KHDRBS2: variants seen among roughly 807,000 people sequenced by gnomAD.
KHDRBS2 encodes KH domain-containing, RNA-binding, signal transduction-associated protein 2.
KHDRBS2 carries 26 observed loss-of-function variants against 44.3 expected under a neutral mutation model. That is an observed-to-expected ratio of 0.59 (90% CI 0.43 to 0.81). KHDRBS2 has a LOEUF of 0.81. Ranked by LOEUF, KHDRBS2 falls within the 40% of genes least tolerant of loss-of-function variation. KHDRBS2 has a pLI of 0.00. For synonymous variants in KHDRBS2, 194 were observed against 151.1 expected (o/e 1.28, Z -2.08); for missense variants, 476 against 433.1 (o/e 1.10, Z -0.88).
intron 6 of KHDRBS2, among the ~76,000 whole-genome samples, chr6:61,767,124 T>A (rs932039634): frequency 6.6e-6 from 1 of 152,132 alleles, no homozygotes; most frequent in Non-Finnish European, 1.5e-5. Context: ...TCTTTATATA[T>A]CTGGGTGCTC....
chr6:61,768,169 C>A (rs1780281839), intron 6 of KHDRBS2, among the ~76,000 whole-genome samples: 1 of 152,120 alleles, frequency 6.6e-6, no homozygotes, highest in Non-Finnish European at 1.5e-5. Context: ...GCTACTTTCT[C>A]CTGGCCTGTA....
At chr6:61,856,537 G>A (rs1178677978) in intron 6 of KHDRBS2, among the ~76,000 whole-genome samples, 3 of 149,356 alleles carry the variant, frequency 2.0e-5, no homozygotes, top group Non-Finnish European at 4.5e-5. Flanking sequence ...AAAAATGCTT[G>A]GATTATGATT....
rs200216239 is a variant in KHDRBS2 at position 61,860,372 on chromosome 6, AC to A, written c.810+34262del. On this transcript the variant is annotated intron_variant, in intron 6 of 8. Transcript: ENST00000281156. ...TTTTCTTGATCCTATTCCTCCTCCC[AC>A]CCTCTGCCCCCCGATAGCCTCCAGT... 7.0e-3 allele frequency among the ~76,000 whole-genome samples: 1,060 copies of A among 151,350 alleles called. 20 individuals carry two copies. Among genetic ancestry groups the A allele is most frequent in the African/African-American group, 0.023 (952 of 41,324 alleles).
At chr6:61,599,316 A>T in the KHDRBS2 span, among the ~76,000 whole-genome samples, 1 of 152,120 alleles carries the variant, frequency 6.6e-6, no homozygotes, top group East Asian at 1.9e-4. Context: ...TCTAAATAGT[A>T]TTCTTTCATA....
intron 6 of KHDRBS2, among the ~76,000 whole-genome samples, chr6:61,797,117 A>C (rs906386317): frequency 1.2e-4 from 19 of 152,126 alleles, no homozygotes; most frequent in Non-Finnish European, 2.6e-4. Flanking sequence ...AAAAATACTA[A>C]ATACCCCTGA....
the KHDRBS2 span, among the ~76,000 whole-genome samples, chr6:61,577,577 G>C: frequency 6.6e-6 from 1 of 151,812 alleles, no homozygotes; most frequent in Admixed American, 6.6e-5. Context: ...GAATATTTTT[G>C]GTAAATCATA....
chr6:61,860,199 T>C (rs1215654901), intron 6 of KHDRBS2, among the ~76,000 whole-genome samples: 1 of 151,880 alleles, frequency 6.6e-6, no homozygotes, highest in Non-Finnish European at 1.5e-5. Context: ...ACATCAAAGA[T>C]GAAGTTTAAA....
intron 1 of KHDRBS2, among the ~76,000 whole-genome samples, chr6:62,220,347 ATAG>A (rs1483456373): frequency 6.6e-6 from 1 of 151,960 alleles, no homozygotes; most frequent in Non-Finnish European, 1.5e-5. Flanking sequence ...CAGCAATGAA[ATAG>A]TAGCTACATG....
chr6:62,058,201 G>T (rs1790738049), intron 2 of KHDRBS2, among the ~76,000 whole-genome samples: 1 of 151,776 alleles, frequency 6.6e-6, no homozygotes, highest in Admixed American at 6.6e-5. Context: ...AACTGTATCT[G>T]CTATGTGATG....
At chr6:61,714,213 A>C (rs1047283170) in intron 7 of KHDRBS2, among the ~76,000 whole-genome samples, 15 of 151,764 alleles carry the variant, frequency 9.9e-5, no homozygotes, top group Non-Finnish European at 1.6e-4. Flanking sequence ...CAACAAAAAA[A>C]CCCCCAAATA....
At chr6:61,750,123 A>T (rs1213408371) in intron 6 of KHDRBS2, among the ~76,000 whole-genome samples, 1 of 152,216 alleles carries the variant, frequency 6.6e-6, no homozygotes, top group Admixed American at 6.5e-5. Flanking sequence ...AAGCCACAGC[A>T]CCAACAAGAT....
At chr6:61,988,167 G>A (rs1376861313) in intron 3 of KHDRBS2, among the ~76,000 whole-genome samples, 2 of 152,124 alleles carry the variant, frequency 1.3e-5, no homozygotes, top group African/African-American at 4.8e-5. Flanking sequence ...TATCAAGGAT[G>A]GTTAATTCCT....
At chr6:62,045,060 T>C (rs1467411085) in intron 3 of KHDRBS2, among the ~76,000 whole-genome samples, 7 of 151,886 alleles carry the variant, frequency 4.6e-5, no homozygotes, top group African/African-American at 1.2e-4. Context: ...TCAGAGCACA[T>C]TGGTGCTATA....
At chr6:62,090,581 T>G (rs1799318335) in intron 2 of KHDRBS2, among the ~76,000 whole-genome samples, 1 of 151,980 alleles carries the variant, frequency 6.6e-6, no homozygotes, top group Admixed American at 6.6e-5. Flanking sequence ...TAATTTTACT[T>G]ATTTAATTTT....
At chr6:61,638,896 T>C in the KHDRBS2 span, among the ~76,000 whole-genome samples, 1 of 152,114 alleles carries the variant, frequency 6.6e-6, no homozygotes, top group Non-Finnish European at 1.5e-5. Flanking sequence ...CGAGTTGTTG[T>C]TGTTGTCTTA....
At chr6:61,866,412 T>A (rs1336238760) in intron 6 of KHDRBS2, among the ~76,000 whole-genome samples, 5 of 152,150 alleles carry the variant, frequency 3.3e-5, no homozygotes, top group Non-Finnish European at 7.3e-5. Flanking sequence ...TTGGAGCAGC[T>A]CGGATGCAGG....
chr6:61,900,243 G>T (rs1367397832), intron 5 of KHDRBS2, among the ~76,000 whole-genome samples: 1 of 151,650 alleles, frequency 6.6e-6, no homozygotes, highest in Non-Finnish European at 1.5e-5. Context: ...AGATATTTTT[G>T]ATTTAAGTGT....
rs550704886 is a variant in KHDRBS2 at position 62,040,840 on chromosome 6, T to C, written c.336+7038A>G. Among the ~76,000 whole-genome samples the C allele has an allele frequency of 6.0e-4, 92 of 152,082 alleles. 1 individual carries two copies. The highest frequency in any genetic ancestry group is 8.7e-4 in the Non-Finnish European group (59 of 68,000). On this transcript the variant is annotated intron_variant, in intron 3 of 8. Transcript: ENST00000281156. ...CGAACCAACACTACTCTGCATTCTA[T>C]TGGTTACAAGCAAGTCACTGAAACT...
At chr6:62,030,557 T>C (rs1784167262) in intron 3 of KHDRBS2, among the ~76,000 whole-genome samples, 1 of 152,030 alleles carries the variant, frequency 6.6e-6, no homozygotes, top group Admixed American at 6.6e-5. Flanking sequence ...CAAATCTTAA[T>C]TTAGAAATGA....
Sources: allele counts gnomAD v4.1 joint callset (sites outside exome capture counted in the v4.1 genomes callset), GRCh38; gene constraint gnomAD v4.1.1; transcripts MANE v1.5; gene names NCBI Gene and HGNC (gene_info 2026-07-23, HGNC 2026-07-21).